Variants in SLC24A2 observed in about 807,000 individuals in gnomAD.
The protein encoded by SLC24A2 is sodium/potassium/calcium exchanger 2.
Under a neutral mutation model 62.0 loss-of-function variants are expected in SLC24A2, and 36 were observed. That is an observed-to-expected ratio of 0.58 (90% CI 0.44 to 0.77). The LOEUF is 0.77. Ranked by LOEUF, SLC24A2 falls within the 30% of genes least tolerant of loss-of-function variation. The pLI, the probability that SLC24A2 is intolerant of heterozygous loss-of-function variation, is 0.00. For missense variants in SLC24A2, 846 were observed against 817.9 expected (o/e 1.03, Z -0.42); for synonymous variants, 358 against 294.0 (o/e 1.22, Z -2.23).
the SLC24A2 span, among the ~76,000 whole-genome samples, chr9:19,881,887 C>A: frequency 6.6e-6 from 1 of 152,088 alleles, no homozygotes; most frequent in Non-Finnish European, 1.5e-5. Flanking sequence ...TTGTCCCATC[C>A]CCTGCTTTCT....
the SLC24A2 span, among the ~76,000 whole-genome samples, chr9:20,000,134 G>T: frequency 6.6e-6 from 1 of 152,174 alleles, no homozygotes; most frequent in Admixed American, 6.5e-5. Context: ...GTAAAATGGA[G>T]GTAATAATTC....
At chr9:19,750,091 T>C (rs1359163901) in intron 2 of SLC24A2, among the ~76,000 whole-genome samples, 2 of 152,106 alleles carry the variant, frequency 1.3e-5, no homozygotes, top group African/African-American at 4.8e-5. Flanking sequence ...ACTGCCGGAG[T>C]ACATTAGTGT....
chr9:19,563,819 TTCCTTCCTCC>T (rs1835528322), intron 7 of SLC24A2, among the ~76,000 whole-genome samples: 2 of 92,578 alleles, frequency 2.2e-5, no homozygotes, highest in Non-Finnish European at 3.9e-5. Context: ...CCTTCCTTCC[TTCCTTCCTCC>T]CTCCCTCCCT....
the SLC24A2 span, among the ~76,000 whole-genome samples, chr9:19,823,426 G>C: frequency 1.3e-5 from 2 of 151,902 alleles, no homozygotes; most frequent in African/African-American, 4.8e-5. Context: ...TAAAAGTAAA[G>C]AATTTTCTTA....
chr9:20,278,798 A>T, the SLC24A2 span, among the ~76,000 whole-genome samples: 128 of 152,240 alleles, frequency 8.4e-4, no homozygotes, highest in African/African-American at 3.0e-3. Context: ...TCACTTTCAC[A>T]TTTTCACATA....
chr9:19,581,902 T>C (rs182833471), intron 5 of SLC24A2, among the ~76,000 whole-genome samples: 106 of 152,292 alleles, frequency 7.0e-4, no homozygotes, highest in African/African-American at 2.4e-3. Flanking sequence ...AAAAATATAC[T>C]CTCTTGTGGT....
the SLC24A2 span, among the ~76,000 whole-genome samples, chr9:19,910,639 C>A: frequency 6.6e-6 from 1 of 152,016 alleles, no homozygotes; most frequent in African/African-American, 2.4e-5. Context: ...TGTACTTAAC[C>A]CTGTAACTGC....
intron 2 of SLC24A2, among the ~76,000 whole-genome samples, chr9:19,670,652 G>A (rs1819388173): frequency 6.6e-6 from 1 of 152,176 alleles, no homozygotes; most frequent in South Asian, 2.1e-4. Flanking sequence ...AATGTAGTCA[G>A]AATTTGATCC....
In SLC24A2 at chr9:19,513,421, G is replaced by A. The variant is rs940224392; in HGVS notation, c.*2732C>T. The A allele has an allele frequency of 2.0e-5, 3 of 152,088 alleles. No individual in the cohort carries two copies. Among genetic ancestry groups the A allele is most frequent in the Non-Finnish European group, 2.9e-5 (2 of 68,038 alleles). 9.4% of individuals were successfully genotyped at this position (152,088 alleles called of 1,614,324 possible). A position where few individuals can be genotyped will look rare whatever the true frequency, so the allele number is the denominator to read the frequency against. On this transcript the variant is annotated 3_prime_UTR_variant, in exon 11 of 11. Transcript: ENST00000341998. ...GCAAGGGCAGGCTGTGGAATCACTT[G>A]TGTCCCATCCAGTGAGGGAGCAGTG...
chr9:20,292,278 T>C, the SLC24A2 span, among the ~76,000 whole-genome samples: 1 of 152,230 alleles, frequency 6.6e-6, no homozygotes, highest in South Asian at 2.1e-4. Context: ...TGGAATGTTA[T>C]TACAGAATCA....
the SLC24A2 span, among the ~76,000 whole-genome samples, chr9:20,158,434 C>T: frequency 6.6e-6 from 1 of 151,582 alleles, no homozygotes; most frequent in Non-Finnish European, 1.5e-5. Flanking sequence ...CTTCAGCAAG[C>T]CTATTTGCCC....
chr9:19,637,798 T>A (rs958386457), intron 2 of SLC24A2, among the ~76,000 whole-genome samples: 1 of 152,192 alleles, frequency 6.6e-6, no homozygotes, highest in Non-Finnish European at 1.5e-5. Context: ...AGAACCTGTG[T>A]TGGTAAAATG....
chr9:20,305,990 T>C, the SLC24A2 span, among the ~76,000 whole-genome samples: 1 of 152,206 alleles, frequency 6.6e-6, no homozygotes, highest in African/African-American at 2.4e-5. Context: ...TTTTTAAGGA[T>C]ACCTGTCATT....
At chr9:19,689,209 C>T (rs934941905) in intron 2 of SLC24A2, among the ~76,000 whole-genome samples, 1 of 152,114 alleles carries the variant, frequency 6.6e-6, no homozygotes, top group Non-Finnish European at 1.5e-5. Flanking sequence ...GCTTTCTTGG[C>T]TCCTTAGCCA....
the SLC24A2 span, among the ~76,000 whole-genome samples, chr9:20,014,886 T>C: frequency 6.6e-6 from 1 of 152,200 alleles, no homozygotes; most frequent in African/African-American, 2.4e-5. Context: ...ATTTCGAATG[T>C]CTCACCATAA....
chr9:19,627,032 GACAA>G (rs1247361020), intron 2 of SLC24A2, among the ~76,000 whole-genome samples: 1 of 152,114 alleles, frequency 6.6e-6, no homozygotes. Context: ...TAAATTCCTA[GACAA>G]AGAAAGAAAA....
the SLC24A2 span, among the ~76,000 whole-genome samples, chr9:20,087,193 CATTA>C: frequency 6.6e-6 from 1 of 152,168 alleles, no homozygotes. Context: ...CAAATGTGGA[CATTA>C]ATTAATTCAT....
chr9:19,564,701 C>A (rs1357052663), intron 7 of SLC24A2, among the ~76,000 whole-genome samples: 1 of 152,116 alleles, frequency 6.6e-6, no homozygotes, highest in Non-Finnish European at 1.5e-5. Context: ...GAAATAAAAA[C>A]TGCAACACAT....
At chr9:20,219,252 C>A in the SLC24A2 span, among the ~76,000 whole-genome samples, 1 of 152,282 alleles carries the variant, frequency 6.6e-6, no homozygotes, top group South Asian at 2.1e-4. Context: ...GGAGGACTCA[C>A]TCCTACCAGC....
Sources: gnomAD v4.1 joint callset for allele counts (sites outside exome capture counted in the v4.1 genomes callset) on GRCh38, gnomAD v4.1.1 for gene constraint, MANE v1.5 for transcripts, NCBI Gene and HGNC (gene_info 2026-07-23, HGNC 2026-07-21) for gene names.